The following NOL4 variants were observed in gnomAD, a reference collection of about 807,000 sequenced individuals.
NOL4 encodes the protein cancer/testis antigen 125.
NOL4 carries 17 observed loss-of-function variants against 75.9 expected under a neutral mutation model. The ratio of observed to expected loss-of-function variants is 0.22; its 90% CI spans 0.15 to 0.34. The LOEUF is 0.34. NOL4 is among the 10% of genes least tolerant of loss of function. The pLI, the probability that NOL4 is intolerant of heterozygous loss-of-function variation, is 1.00. For synonymous variants in NOL4, 292 were observed against 289.9 expected, an observed-to-expected ratio of 1.01 and a Z score of -0.07; for missense variants, 614 against 793.5, an observed-to-expected ratio of 0.77 and a Z score of 2.72.
chr18:34,063,039 GA>G (rs2145153098), intron 5 of NOL4, among the ~76,000 whole-genome samples: 1 of 152,200 alleles, frequency 6.6e-6, no homozygotes, highest in Non-Finnish European at 1.5e-5. Context: ...CCTTGCTTCT[GA>G]AAAGGTAGAG....
chr18:34,118,514 A>G (rs1032061371), intron 2 of NOL4, among the ~76,000 whole-genome samples: 8 of 152,198 alleles, frequency 5.3e-5, no homozygotes, highest in Non-Finnish European at 1.2e-4. Flanking sequence ...TGATTCATAA[A>G]CATATAGAAC....
intron 9 of NOL4, among the ~76,000 whole-genome samples, chr18:33,916,527 A>C (rs1338230179): frequency 6.6e-6 from 1 of 152,170 alleles, no homozygotes; most frequent in African/African-American, 2.4e-5. Context: ...CACTCAGTGA[A>C]CCACAAGTAT....
intron 9 of NOL4, among the ~76,000 whole-genome samples, chr18:33,919,955 C>A (rs914743364): frequency 7.9e-5 from 12 of 152,122 alleles, no homozygotes; most frequent in African/African-American, 2.9e-4. Context: ...TTAACAATAA[C>A]AACATAATAG....
chr18:34,119,421 C>T (rs985680316), intron 2 of NOL4, among the ~76,000 whole-genome samples: 2 of 152,168 alleles, frequency 1.3e-5, no homozygotes, highest in Non-Finnish European at 2.9e-5. Context: ...TCCTGCAGTA[C>T]TGCTTGTTTT....
chr18:33,987,487 G>A (rs1221248431), intron 6 of NOL4, among the ~76,000 whole-genome samples: 1 of 152,052 alleles, frequency 6.6e-6, no homozygotes, highest in Non-Finnish European at 1.5e-5. Context: ...CAATAATGAG[G>A]CAAAGCCTGT....
At chr18:33,900,328 G>A (rs184288791) in intron 9 of NOL4, among the ~76,000 whole-genome samples, 78 of 152,058 alleles carry the variant, frequency 5.1e-4, no homozygotes, top group Non-Finnish European at 1.0e-3. Context: ...TGAGGGGTCC[G>A]CCCCCATGAC....
At position 33,927,094 on chromosome 18, in the gene NOL4, G is replaced by C. The variant is rs774534640; in HGVS notation, c.1542+15971C>G. 3.6e-4 allele frequency among the ~76,000 whole-genome samples: 55 copies of C among 152,110 alleles called. 1 individual carries two copies. Among genetic ancestry groups the C allele is most frequent in the Non-Finnish European group, 6.3e-4 (43 of 68,024 alleles). ...GGAACAAGAGACTAACCAGAAACAT[G>C]ATGAAAAACGTGATTGATCCTGCCA... On this transcript the variant is annotated intron_variant, in intron 9 of 10. Coordinates refer to ENST00000261592, the MANE Select transcript of NOL4 (RefSeq NM_003787.5).
intron 1 of NOL4, among the ~76,000 whole-genome samples, chr18:34,136,965 A>G (rs2080918694): frequency 6.6e-6 from 1 of 152,160 alleles, no homozygotes; most frequent in Non-Finnish European, 1.5e-5. Flanking sequence ...GAATTGACAT[A>G]TAGATCAGTG....
chr18:34,153,718 A>G (rs2029867270), intron 1 of NOL4, among the ~76,000 whole-genome samples: 1 of 152,118 alleles, frequency 6.6e-6, no homozygotes, highest in South Asian at 2.1e-4. Context: ...GTGTTAAGAC[A>G]GAGACTATAT....
At chr18:34,140,438 CTTCT>C (rs1410352671) in intron 1 of NOL4, among the ~76,000 whole-genome samples, 1 of 152,054 alleles carries the variant, frequency 6.6e-6, no homozygotes, top group Non-Finnish European at 1.5e-5. Flanking sequence ...ATGTAATGGC[CTTCT>C]TTGTCTCTTT....
At chr18:34,074,252 ATTAT>A (rs1357053653) in intron 5 of NOL4, among the ~76,000 whole-genome samples, 1 of 151,716 alleles carries the variant, frequency 6.6e-6, no homozygotes, top group African/African-American at 2.4e-5. Context: ...GAGATTGTAA[ATTAT>A]TTATATGCAT....
At chr18:34,109,308 T>C (rs2079470659) in intron 2 of NOL4, among the ~76,000 whole-genome samples, 1 of 151,990 alleles carries the variant, frequency 6.6e-6, no homozygotes, top group African/African-American at 2.4e-5. Flanking sequence ...GCTAGGAGTT[T>C]GAAACAAGCC....
chr18:33,997,191 G>C lies in NOL4; in HGVS notation c.1056+22127C>G, dbSNP rs542727984. On this transcript the variant is annotated intron_variant, in intron 6 of 10. Transcript: ENST00000261592. ...CGGATGTCCAGAAGGGTATTTCCTA[G>C]GTTTTCTTGGAGAATTTTAATAGTT... Among the ~76,000 whole-genome samples the C allele has an allele frequency of 6.3e-4, 96 of 151,842 alleles. 1 individual carries two copies. In the South Asian group the frequency reaches 0.019, roughly 30 times the overall value.
chr18:34,097,109 A>G (rs1053071699), intron 4 of NOL4, among the ~76,000 whole-genome samples: 9 of 152,244 alleles, frequency 5.9e-5, no homozygotes, highest in Admixed American at 2.6e-4. Flanking sequence ...CCTATTAACA[A>G]TTGCCAAATT....
chr18:34,171,853 A>C (rs1478659509), intron 1 of NOL4, among the ~76,000 whole-genome samples: 1 of 152,090 alleles, frequency 6.6e-6, no homozygotes, highest in Non-Finnish European at 1.5e-5. Flanking sequence ...TTAAATTAAG[A>C]CTCTTAGAAC....
chr18:34,087,436 G>A (rs148499116), intron 5 of NOL4, among the ~76,000 whole-genome samples: 3 of 151,996 alleles, frequency 2.0e-5, no homozygotes, highest in Admixed American at 6.6e-5. Flanking sequence ...GAGCATCATT[G>A]CTATCTGAAA....
chr18:33,919,561 C>A (rs529074710), intron 9 of NOL4, among the ~76,000 whole-genome samples: 236 of 152,260 alleles, frequency 1.5e-3, no homozygotes, highest in African/African-American at 4.9e-3. Context: ...GGCACATAAA[C>A]AAAAGACATG....
intron 1 of NOL4, among the ~76,000 whole-genome samples, chr18:34,197,340 T>C (rs2035404955): frequency 6.6e-6 from 1 of 152,034 alleles, no homozygotes; most frequent in African/African-American, 2.4e-5. Context: ...AATTTCTTAA[T>C]TTTATAGTTC....
intron 10 of NOL4, among the ~76,000 whole-genome samples, chr18:33,863,308 T>C (rs527792664): frequency 1.3e-5 from 2 of 152,142 alleles, no homozygotes; most frequent in East Asian, 1.9e-4. Flanking sequence ...CATTGGGAGA[T>C]ATACCTAATG....
Sources: allele counts gnomAD v4.1 joint callset (sites outside exome capture counted in the v4.1 genomes callset), GRCh38; gene constraint gnomAD v4.1.1; transcripts MANE v1.5; gene names NCBI Gene and HGNC (gene_info 2026-07-23, HGNC 2026-07-21).